CHIC1: variants seen among roughly 807,000 people sequenced by gnomAD.
The protein encoded by CHIC1 is cysteine-rich hydrophobic domain-containing protein 1.
CHIC1 carries 7 observed loss-of-function variants against 18.5 expected under a neutral mutation model. The ratio of observed to expected loss-of-function variants is 0.38; its 90% CI spans 0.22 to 0.71. CHIC1 has a LOEUF of 0.71. Ranked by LOEUF, CHIC1 falls within the 30% of genes least tolerant of loss-of-function variation. CHIC1 has a pLI of 0.49. For missense variants in CHIC1, 159 were observed against 176.9 expected, an observed-to-expected ratio of 0.90 and a Z score of 0.57; for synonymous variants, 77 against 73.5, an observed-to-expected ratio of 1.05 and a Z score of -0.25.
At chrX:73,623,433 G>A (rs1262865657) in intron 3 of CHIC1, among the ~76,000 whole-genome samples, 2 of 110,320 alleles carry the variant, frequency 1.8e-5, no homozygotes, top group Non-Finnish European at 3.8e-5. Flanking sequence ...TTTACCTATT[G>A]TAATGCCCTT....
At chrX:73,580,931 A>G (rs2057523556) in intron 2 of CHIC1, among the ~76,000 whole-genome samples, 1 of 111,408 alleles carries the variant, frequency 9.0e-6, no homozygotes. Context: ...TTTTAATGCA[A>G]ACAAAAAGAT....
intron 3 of CHIC1, among the ~76,000 whole-genome samples, chrX:73,648,375 T>C (rs1341235406): frequency 8.9e-6 from 1 of 112,054 alleles, no homozygotes; most frequent in African/African-American, 3.2e-5. Context: ...GATGGACGAA[T>C]TGACAGAAGT....
At chrX:73,621,470 G>C (rs1050596778) in intron 3 of CHIC1, among the ~76,000 whole-genome samples, 2 of 111,735 alleles carry the variant, frequency 1.8e-5, no homozygotes, top group Non-Finnish European at 3.8e-5. Context: ...TTGTGAATGG[G>C]AGTTCGCTCA....
intron 3 of CHIC1, among the ~76,000 whole-genome samples, chrX:73,670,477 A>AT (rs201088168): frequency 9.2e-6 from 1 of 108,451 alleles, no homozygotes; most frequent in Admixed American, 9.8e-5. Context: ...TTTAGTCTCT[A>AT]TTTTTTTCTG....
At chrX:73,675,152 C>CAA (rs2058054904) in intron 3 of CHIC1, among the ~76,000 whole-genome samples, 1 of 109,654 alleles carries the variant, frequency 9.1e-6, no homozygotes, top group Admixed American at 9.7e-5. Flanking sequence ...GCTTTACTTC[C>CAA]GTGTGGTCAG....
intron 3 of CHIC1, among the ~76,000 whole-genome samples, chrX:73,594,422 CTTTT>C (rs750391514): frequency 1.2e-4 from 13 of 111,456 alleles, no homozygotes; most frequent in Non-Finnish European, 2.3e-4. Context: ...CGCCTGCTTT[CTTTT>C]TGAGTGCTTT....
At chrX:73,599,274 T>A (rs868464468) in intron 3 of CHIC1, among the ~76,000 whole-genome samples, 1 of 104,554 alleles carries the variant, frequency 9.6e-6, no homozygotes, top group African/African-American at 3.9e-5. Context: ...TTCTCCCATT[T>A]TGTAGGTTAC....
At chrX:73,574,197 G>A (rs1239418617) in intron 1 of CHIC1, among the ~76,000 whole-genome samples, 2 of 110,400 alleles carry the variant, frequency 1.8e-5, no homozygotes, top group Admixed American at 1.9e-4. Flanking sequence ...TTTTTTGTTC[G>A]TTTTTAATCC....
intron 1 of CHIC1, among the ~76,000 whole-genome samples, chrX:73,573,753 C>G (rs1329704429): frequency 9.0e-6 from 1 of 111,210 alleles, no homozygotes; most frequent in Non-Finnish European, 1.9e-5. Context: ...TATAGAAATT[C>G]TACTGACTTT....
chrX:73,641,141 C>A (rs1483253780), intron 3 of CHIC1, among the ~76,000 whole-genome samples: 1 of 111,285 alleles, frequency 9.0e-6, no homozygotes, highest in Non-Finnish European at 1.9e-5. Context: ...TTCCCTGTAA[C>A]TGTATGGTTT....
At chrX:73,674,439 A>G (rs1477189084) in intron 3 of CHIC1, among the ~76,000 whole-genome samples, 1 of 111,528 alleles carries the variant, frequency 9.0e-6, no homozygotes, top group Non-Finnish European at 1.9e-5. Flanking sequence ...CAGAGATTCA[A>G]CTTCTTCCTG....
chrX:73,570,327 G>A (rs1037791366), intron 1 of CHIC1, among the ~76,000 whole-genome samples: 3 of 110,793 alleles, frequency 2.7e-5, no homozygotes, highest in Admixed American at 9.6e-5. Flanking sequence ...GAAGCAAGGA[G>A]AACCACATGA....
chrX:73,669,485 C>G (rs1213687473), intron 3 of CHIC1, among the ~76,000 whole-genome samples: 1 of 110,740 alleles, frequency 9.0e-6, no homozygotes, highest in Non-Finnish European at 1.9e-5. Context: ...GGTGGTGACC[C>G]TCCTCCTCCA....
At chrX:73,634,304 G>A (rs749267671) in intron 3 of CHIC1, among the ~76,000 whole-genome samples, 1 of 112,581 alleles carries the variant, frequency 8.9e-6, no homozygotes, top group Non-Finnish European at 1.9e-5. Flanking sequence ...AGGATTGTGT[G>A]CCTTTACTCT....
chrX:73,646,570 C>T (rs1354927051), intron 3 of CHIC1, among the ~76,000 whole-genome samples: 1 of 111,992 alleles, frequency 8.9e-6, no homozygotes, highest in African/African-American at 3.2e-5. Flanking sequence ...AACTTTAATC[C>T]TGAGTACAGT....
chrX:73,657,432 T>C (rs2057956025), intron 3 of CHIC1, among the ~76,000 whole-genome samples: 1 of 111,840 alleles, frequency 8.9e-6, no homozygotes, highest in Non-Finnish European at 1.9e-5. Flanking sequence ...TGCCTGTTGT[T>C]GGTGTATAGG....
intron 1 of CHIC1, among the ~76,000 whole-genome samples, chrX:73,567,275 A>G (rs751574037): frequency 8.2e-5 from 9 of 110,148 alleles, no homozygotes; most frequent in Non-Finnish European, 1.3e-4. Context: ...TCTTCACTCA[A>G]TAGCTTACTG....
Position 73,686,603 on chromosome X carries a change from A to G in CHIC1, c.*5598A>G, listed in dbSNP as rs1260385061. Reference sequence around the variant, plus strand: ...ATTTTCCATTTTTTCTAGTACGCAAATAGTGTAAAATTGTTTTAATGCCTG... The same window carrying G: ...ATTTTCCATTTTTTCTAGTACGCAAGTAGTGTAAAATTGTTTTAATGCCTG... On this transcript the variant is annotated 3_prime_UTR_variant, in exon 6 of 6. Transcript: ENST00000373502. 3.6e-5 allele frequency: 4 copies of G among 111,335 alleles called. No homozygotes were observed. Among genetic ancestry groups the G allele is most frequent in the African/African-American group, 1.3e-4 (4 of 30,714 alleles). 9.2% of individuals were successfully genotyped at this position (111,335 alleles called of 1,213,427 possible). A position where few individuals can be genotyped will look rare whatever the true frequency, so the allele number is the denominator to read the frequency against.
At chrX:73,678,518 A>G (rs936319668) in intron 3 of CHIC1, among the ~76,000 whole-genome samples, 1 of 111,842 alleles carries the variant, frequency 8.9e-6, no homozygotes, top group African/African-American at 3.2e-5. Flanking sequence ...GGGAGGACGT[A>G]GGTGCTGGCA....
Sources: gnomAD v4.1 joint callset for allele counts (sites outside exome capture counted in the v4.1 genomes callset) on GRCh38, gnomAD v4.1.1 for gene constraint, MANE v1.5 for transcripts, NCBI Gene and HGNC (gene_info 2026-07-23, HGNC 2026-07-21) for gene names.